MED12L: variants seen among roughly 807,000 people sequenced by gnomAD.
MED12L encodes the protein mediator complex subunit 12L, also known as mediator of RNA polymerase II transcription subunit 12-like protein.
A neutral mutation model predicts 281.3 loss-of-function variants in MED12L; 60 were observed. The observed-to-expected ratio is 0.21, with a 90% CI of 0.17 to 0.26. The LOEUF is 0.26. MED12L is among the 10% of genes least tolerant of loss of function. The pLI is 1.00. For synonymous variants in MED12L, 974 were observed against 987.2 expected (o/e 0.99, Z 0.25); for missense variants, 2,146 against 2,680.9 (o/e 0.80, Z 4.41).
intron 16 of MED12L, among the ~76,000 whole-genome samples, chr3:151,276,841 G>A (rs1045899297): frequency 2.6e-5 from 4 of 152,090 alleles, no homozygotes; most frequent in Non-Finnish European, 5.9e-5. Context: ...CACTTCCCCT[G>A]TGTCTTCATG....
intron 16 of MED12L, among the ~76,000 whole-genome samples, chr3:151,310,609 A>C (rs149950016): frequency 1.0e-3 from 159 of 152,300 alleles, no homozygotes; most frequent in African/African-American, 3.4e-3. Flanking sequence ...GTTGAGATCC[A>C]CCTTAAGGCC....
At chr3:151,282,864 T>G (rs757553908) in intron 16 of MED12L, among the ~76,000 whole-genome samples, 8 of 152,240 alleles carry the variant, frequency 5.3e-5, no homozygotes, top group Non-Finnish European at 1.2e-4. Context: ...AGGAAAACAT[T>G]GAATGCAGAC....
At chr3:151,317,696 C>T (rs890070927) in intron 16 of MED12L, among the ~76,000 whole-genome samples, 3 of 151,790 alleles carry the variant, frequency 2.0e-5, no homozygotes, top group Non-Finnish European at 2.9e-5. Context: ...ATGATCCGCC[C>T]GCCTCAGCCT....
intron 16 of MED12L, chr3:151,294,868 A>G: frequency 6.2e-7 from 1 of 1,614,116 alleles, no homozygotes; most frequent in Non-Finnish European, 8.5e-7. Context: ...CGATGGAAGT[A>G]TACATGTTTG....
At chr3:151,409,670 A>T (rs1230867153) in intron 40 of MED12L, among the ~76,000 whole-genome samples, 1 of 152,186 alleles carries the variant, frequency 6.6e-6, no homozygotes, top group Non-Finnish European at 1.5e-5. Flanking sequence ...TGAAGTCATC[A>T]TATTTGGGCT....
intron 16 of MED12L, among the ~76,000 whole-genome samples, chr3:151,283,605 C>T (rs868691751): frequency 3.7e-4 from 56 of 152,188 alleles, no homozygotes; most frequent in African/African-American, 1.2e-3. Context: ...GCCTGTGTTT[C>T]TGTATCATGC....
chr3:151,260,494 CGTGTACCACT>C (rs902604337), intron 16 of MED12L, among the ~76,000 whole-genome samples: 10 of 151,992 alleles, frequency 6.6e-5, no homozygotes, highest in Non-Finnish European at 1.5e-4. Flanking sequence ...GGACTGCAGG[CGTGTACCACT>C]GTGTCCAGCT....
In MED12L at chr3:151,285,709, CAT is replaced by C. The variant is rs532087731; in HGVS notation, c.2251-64347_2251-64346del. On this transcript the variant is annotated intron_variant, in intron 16 of 44. Coordinates refer to ENST00000687756, the MANE Select transcript of MED12L (RefSeq NM_001393769.1). ...ATAAAAAAAAAATAAAAGAAAAAAA[CAT>C]ATTGAAATCTAATCCCCAATGTGTT... 1.8e-4 allele frequency among the ~76,000 whole-genome samples: 28 copies of C among 152,056 alleles called. No individual in the cohort carries two copies. In the South Asian group the frequency reaches 3.1e-3, roughly 17 times the overall value.
intron 16 of MED12L, chr3:151,300,346 C>T: frequency 1.7e-6 from 1 of 575,834 alleles, no homozygotes; most frequent in African/African-American, 1.9e-5. Flanking sequence ...CACAGAGTTG[C>T]CCTCTTTCAT....
intron 16 of MED12L, chr3:151,336,557 A>G (rs1308170400): frequency 6.6e-6 from 3 of 456,012 alleles, no homozygotes; most frequent in Non-Finnish European, 1.3e-5. Context: ...TGAGGATCAT[A>G]AAAAATTGAG....
intron 2 of MED12L, among the ~76,000 whole-genome samples, chr3:151,099,046 A>C (rs1272496347): frequency 6.6e-6 from 1 of 152,178 alleles, no homozygotes. Flanking sequence ...TACCAAGAGA[A>C]AGATATGGGG....
At position 151,188,432 on chromosome 3, in the gene MED12L, T is replaced by C; in HGVS notation, c.1705T>C (p.Phe569Leu). Residue 569 changes from phenylalanine to leucine, a missense_variant, in exon 13 of 45, where the codon TTC (phenylalanine) becomes CTC (leucine). Phe to Leu is a conservative substitution (Grantham distance 22). This residue lies in a region of MED12L where 722 missense variants were observed against 861.2 expected (regional missense o/e 0.84). Transcript: ENST00000687756. ...TCTTGCTGGATCCAGTTTGCCTGTT[T>C]TCCAGAATGTGCTGTTAAGGTTTTT... ...SSLAGSSLPV[F>L]QNVLLRFLDT... is the part of the protein sequence containing the mutation. The C allele has an allele frequency of 6.2e-7, 1 of 1,613,772 alleles. No homozygotes were observed. Among genetic ancestry groups the C allele is most frequent in the Non-Finnish European group, 8.5e-7 (1 of 1,179,720 alleles).
chr3:151,146,377 C>T (rs1717760975), intron 5 of MED12L, among the ~76,000 whole-genome samples: 1 of 152,212 alleles, frequency 6.6e-6, no homozygotes, highest in African/African-American at 2.4e-5. Flanking sequence ...CGCCTCTTTG[C>T]TTCCTTTCCT....
chr3:151,307,185 A>T (rs189089752), intron 16 of MED12L, among the ~76,000 whole-genome samples: 5 of 152,278 alleles, frequency 3.3e-5, no homozygotes, highest in Admixed American at 2.0e-4. Flanking sequence ...GCCTGACTTT[A>T]TGTGTATGTG....
intron 16 of MED12L, among the ~76,000 whole-genome samples, chr3:151,280,181 G>A (rs1559976145): frequency 6.6e-6 from 1 of 152,214 alleles, no homozygotes; most frequent in Non-Finnish European, 1.5e-5. Flanking sequence ...CTCTGTGTAA[G>A]ACACTTGGGA....
At chr3:151,159,415 A>G (rs537483221) in intron 7 of MED12L, among the ~76,000 whole-genome samples, 114 of 152,306 alleles carry the variant, frequency 7.5e-4, no homozygotes, top group African/African-American at 2.6e-3. Context: ...CTGTACCTGC[A>G]CTGTCCATTA....
At chr3:151,413,102 G>T in intron 41 of MED12L, 37 bp from the exon 42 acceptor site, 1 of 1,591,354 alleles carries the variant, frequency 6.3e-7, no homozygotes, top group Non-Finnish European at 8.6e-7. Flanking sequence ...TTGACATTAT[G>T]CTTGGGCCTG....
chr3:151,385,909 G>C (rs770672351), intron 36 of MED12L, among the ~76,000 whole-genome samples: 1 of 152,082 alleles, frequency 6.6e-6, no homozygotes, highest in Non-Finnish European at 1.5e-5. Flanking sequence ...AGCAACCACC[G>C]ACATTCCACA....
chr3:151,123,148 A>T (rs1391891023), intron 4 of MED12L, among the ~76,000 whole-genome samples, 174 bp downstream of exon 4: 1 of 152,084 alleles, frequency 6.6e-6, no homozygotes, highest in Non-Finnish European at 1.5e-5. Context: ...TTTTGATTGC[A>T]TGTAGTGCCT....
Sources: gnomAD v4.1 joint callset for allele counts (sites outside exome capture counted in the v4.1 genomes callset) on GRCh38, gnomAD v4.1.1 for gene constraint, gnomAD v4.1.1 regional missense constraint, MANE v1.5 for transcripts, NCBI Gene and HGNC (gene_info 2026-07-23, HGNC 2026-07-21) for gene names.